The following VAT1L variants were observed in gnomAD, a reference collection of about 807,000 sequenced individuals.
The protein encoded by VAT1L is vesicle amine transport 1 like.
A neutral mutation model predicts 44.1 loss-of-function variants in VAT1L; 34 were observed. The observed-to-expected ratio is 0.77, with a 90% CI of 0.59 to 1.03. The LOEUF is 1.03. VAT1L is among the 50% of genes least tolerant of loss of function. The probability of loss-of-function intolerance (pLI) is 0.00; values close to 1 mark genes in which losing one functional copy is unlikely to be tolerated. For synonymous variants in VAT1L, 253 were observed against 202.2 expected, an observed-to-expected ratio of 1.25 and a Z score of -2.13; for missense variants, 615 against 538.8, an observed-to-expected ratio of 1.14 and a Z score of -1.40.
chr16:77,976,948 C>G (rs1433019738), intron 8 of VAT1L, among the ~76,000 whole-genome samples: 1 of 152,152 alleles, frequency 6.6e-6, no homozygotes, highest in South Asian at 2.1e-4. Flanking sequence ...GTTGTTGTGT[C>G]TGCTCTTCTT....
intron 7 of VAT1L, among the ~76,000 whole-genome samples, chr16:77,929,812 A>G (rs1466065282): frequency 2.6e-5 from 4 of 152,212 alleles, no homozygotes; most frequent in African/African-American, 9.6e-5. Context: ...TAATAAGTGG[A>G]AGAACTGGTA....
chr16:77,835,698 C>T (rs2016631911), intron 3 of VAT1L, among the ~76,000 whole-genome samples: 1 of 152,036 alleles, frequency 6.6e-6, no homozygotes, highest in African/African-American at 2.4e-5. Flanking sequence ...CATGGTGAAA[C>T]CCCATCTCTA....
At chr16:77,920,105 A>T (rs1178640463) in intron 7 of VAT1L, among the ~76,000 whole-genome samples, 2 of 152,096 alleles carry the variant, frequency 1.3e-5, no homozygotes, top group South Asian at 2.1e-4. Context: ...ATAAAATCAA[A>T]CCGTATCCGG....
intron 3 of VAT1L, among the ~76,000 whole-genome samples, chr16:77,853,411 G>A (rs368348372): frequency 1.3e-5 from 2 of 152,266 alleles, no homozygotes; most frequent in African/African-American, 4.8e-5. Flanking sequence ...TCTCAGCGCC[G>A]TCAGCACATT....
At chr16:77,856,107 A>T (rs1434213617) in intron 3 of VAT1L, among the ~76,000 whole-genome samples, 1 of 152,168 alleles carries the variant, frequency 6.6e-6, no homozygotes, top group Non-Finnish European at 1.5e-5. Context: ...AAAGGATATA[A>T]GGAATAAACC....
At chr16:77,878,285 C>T (rs1407647841) in intron 5 of VAT1L, among the ~76,000 whole-genome samples, 2 of 152,208 alleles carry the variant, frequency 1.3e-5, no homozygotes, top group South Asian at 4.1e-4. Context: ...AACTTATTAA[C>T]TGGCTACTAG....
intron 1 of VAT1L, among the ~76,000 whole-genome samples, chr16:77,795,813 CTTTTT>C (rs56725954): frequency 0.019 from 1,961 of 100,568 alleles, 19 homozygotes; most frequent in Non-Finnish European, 0.031. Context: ...CCTTTTTTCT[CTTTTT>C]TTTTTTTTTT....
At position 77,971,852 on chromosome 16, in the gene VAT1L, G is replaced by A. The variant is rs61735513; in HGVS notation, c.1080G>A (p.Val360=). 4.4e-4 allele frequency: 705 copies of A among 1,613,394 alleles called. 1 individual carries two copies. In the African/African-American group the frequency reaches 7.9e-3, roughly 18 times the overall value. The part of the protein sequence containing the change: ...VVDSLWALEE[V]KEAMQRIHDR... ...CTGTTTCTCACCTTTTCGCGCAGGTGAAGGAGGCCATGCAGCGGATTCACG... is the reference window on the plus strand; with the variant it reads ...CTGTTTCTCACCTTTTCGCGCAGGTAAAGGAGGCCATGCAGCGGATTCACG... Residue 360 remains valine (V), a splice_region_variant and synonymous_variant, in exon 8 of 9, where the codon GTG becomes GTA. Transcript: ENST00000302536.
intron 3 of VAT1L, among the ~76,000 whole-genome samples, chr16:77,845,820 C>G (rs2016753106): frequency 6.6e-6 from 1 of 152,222 alleles, no homozygotes; most frequent in Admixed American, 6.5e-5. Context: ...TCTTCTGCCT[C>G]TATGCCCTCT....
At chr16:77,972,457 A>G (rs1214527810) in intron 8 of VAT1L, among the ~76,000 whole-genome samples, 1 of 152,164 alleles carries the variant, frequency 6.6e-6, no homozygotes, top group East Asian at 1.9e-4. Context: ...AGCTGAGACT[A>G]CAGGAGACCA....
chr16:77,882,059 T>G (rs879394051), intron 6 of VAT1L: 3 of 152,230 alleles, frequency 2.0e-5, no homozygotes, highest in Non-Finnish European at 2.9e-5. Flanking sequence ...CAGAACGCTT[T>G]GTACCTGGAG....
At chr16:77,907,619 T>TA (rs1296821765) in intron 7 of VAT1L, among the ~76,000 whole-genome samples, 1 of 71,998 alleles carries the variant, frequency 1.4e-5, no homozygotes, top group Non-Finnish European at 3.3e-5. Context: ...CACAAAGATA[T>TA]ATTTTTTTAT....
At chr16:77,820,639 C>A (rs1196665546) in intron 2 of VAT1L, among the ~76,000 whole-genome samples, 1 of 152,142 alleles carries the variant, frequency 6.6e-6, no homozygotes, top group African/African-American at 2.4e-5. Flanking sequence ...TGCAGAGAGA[C>A]AGATCTGAAC....
chr16:77,832,118 G>A (rs1030399562), intron 3 of VAT1L, among the ~76,000 whole-genome samples: 2 of 151,560 alleles, frequency 1.3e-5, no homozygotes, highest in South Asian at 2.1e-4. Context: ...GTGAGCCACC[G>A]TGCGCAGCCC....
At chr16:77,899,355 C>G (rs2017357440) in intron 7 of VAT1L, among the ~76,000 whole-genome samples, 1 of 152,236 alleles carries the variant, frequency 6.6e-6, no homozygotes, top group South Asian at 2.1e-4. Context: ...GTCAGGCATC[C>G]TGATTTGCAG....
intron 3 of VAT1L, among the ~76,000 whole-genome samples, chr16:77,841,591 C>T (rs1225162451): frequency 6.6e-6 from 1 of 152,152 alleles, no homozygotes; most frequent in Non-Finnish European, 1.5e-5. Context: ...ACAGGAATGT[C>T]CTCTATGTCA....
rs762359663 is a variant in VAT1L, at chr16:77,879,205, T to A, written c.863T>A (p.Phe288Tyr). 1 of 1,614,220 alleles carries A rather than the reference T, an allele frequency of 6.2e-7. No individual in the cohort carries two copies. ...ATGGTAACTGGAGAGACCAAGAGCTTCTTCAGCTTTGCAAAATCAGTAAGT... is the reference window on the plus strand; with the variant it reads ...ATGGTAACTGGAGAGACCAAGAGCTACTTCAGCTTTGCAAAATCAGTAAGT... The part of the protein sequence containing the change: ...SNMVTGETKS[F>Y]FSFAKSWWQV... Residue 288 changes from phenylalanine (F) to tyrosine (Y), a missense_variant, in exon 6 of 9, where the codon TTC (phenylalanine) becomes TAC (tyrosine). Physicochemically the swap from Phe to Tyr is conservative, Grantham distance 22. Transcript: ENST00000302536. The surrounding 1 kb of genome is among the most constrained non-coding windows in gnomAD (Gnocchi z 4.1).
At chr16:77,849,404 T>A (rs2016787149) in intron 3 of VAT1L, among the ~76,000 whole-genome samples, 1 of 152,234 alleles carries the variant, frequency 6.6e-6, no homozygotes. Context: ...CATGTTTTTA[T>A]GAACAAATTC....
intron 7 of VAT1L, among the ~76,000 whole-genome samples, chr16:77,905,225 C>A (rs906838986): frequency 6.6e-6 from 1 of 152,112 alleles, no homozygotes; most frequent in Non-Finnish European, 1.5e-5. Flanking sequence ...AATAATTTTC[C>A]TATGGCTAAA....
Sources: allele counts gnomAD v4.1 joint callset (sites outside exome capture counted in the v4.1 genomes callset), GRCh38; gene constraint gnomAD v4.1.1; non-coding constraint Gnocchi (gnomAD v3.1); transcripts MANE v1.5; gene names NCBI Gene and HGNC (gene_info 2026-07-23, HGNC 2026-07-21).